DCAF1: variants seen among roughly 807,000 people sequenced by gnomAD.
The protein encoded by DCAF1 is DDB1- and CUL4-associated factor 1.
DCAF1 carries 15 observed loss-of-function variants against 128.0 expected under a neutral mutation model. That is an observed-to-expected ratio of 0.12 (90% confidence interval 0.08 to 0.18). The LOEUF is 0.18. Among genes scored for constraint, DCAF1 ranks in the 10% least tolerant of loss-of-function variants. The pLI is 1.00. For missense variants in DCAF1, 988 were observed against 1,649.5 expected (o/e 0.60, Z 6.95); for synonymous variants, 610 against 603.0 (o/e 1.01, Z -0.17).
chr3:51,461,147 T>C (rs1353078390), intron 6 of DCAF1, among the ~76,000 whole-genome samples: 2 of 151,684 alleles, frequency 1.3e-5, no homozygotes, highest in Non-Finnish European at 2.9e-5. Context: ...GGAGAAAATT[T>C]TTGCAACCTA....
At chr3:51,401,886 T>C (rs72945711) in intron 24 of DCAF1, among the ~76,000 whole-genome samples, 3,049 of 152,284 alleles carry the variant, frequency 0.02, 103 homozygotes, top group African/African-American at 0.069. Flanking sequence ...CCTACTCCAC[T>C]GAATCACCTC....
chr3:51,412,620 G>A (rs2107168142), intron 22 of DCAF1, 140 bp from the exon 23 acceptor site: 1 of 1,402,862 alleles, frequency 7.1e-7, no homozygotes, highest in Non-Finnish European at 9.5e-7. Context: ...AGCTGACTAT[G>A]AAAATGTTAT....
chr3:51,431,024 G>A (rs1553635435), intron 10 of DCAF1, among the ~76,000 whole-genome samples: 2 of 152,014 alleles, frequency 1.3e-5, no homozygotes, highest in East Asian at 1.9e-4. Flanking sequence ...TACAAAACAC[G>A]CAAAAATTAG....
downstream of DCAF1, chr3:51,397,413 A>G (rs1477268039): frequency 6.0e-6 from 1 of 167,078 alleles, no homozygotes; most frequent in African/African-American, 2.4e-5. Flanking sequence ...CACTGTCACA[A>G]TCCCTTTCAG....
intron 10 of DCAF1, among the ~76,000 whole-genome samples, 169 bp from the exon 11 acceptor site, chr3:51,430,381 C>T (rs555478621): frequency 3.3e-5 from 5 of 152,232 alleles, no homozygotes; most frequent in South Asian, 2.1e-4. Flanking sequence ...TTTTAGAACA[C>T]GATCCATTCC....
chr3:51,487,592 C>A (rs1276260693), intron 2 of DCAF1, among the ~76,000 whole-genome samples: 2 of 152,040 alleles, frequency 1.3e-5, no homozygotes, highest in South Asian at 2.1e-4. Context: ...TTTACATGAC[C>A]TTGACAATCT....
intron 2 of DCAF1, among the ~76,000 whole-genome samples, chr3:51,492,818 C>T (rs1553658804): frequency 6.6e-6 from 1 of 151,504 alleles, no homozygotes; most frequent in East Asian, 2.0e-4. Flanking sequence ...CATGGTGAAA[C>T]CCCATCTCTA....
intron 23 of DCAF1, among the ~76,000 whole-genome samples, chr3:51,404,625 T>C (rs2089978254): frequency 6.6e-6 from 1 of 152,236 alleles, no homozygotes; most frequent in Non-Finnish European, 1.5e-5. Flanking sequence ...AACTGTGTAA[T>C]TCAGTAATTT....
chr3:51,403,566 T>C (rs1553625699), intron 23 of DCAF1, among the ~76,000 whole-genome samples, 171 bp from the exon 24 acceptor site: 1 of 152,154 alleles, frequency 6.6e-6, no homozygotes, highest in African/African-American at 2.4e-5. Context: ...ATGGCTGAGA[T>C]AGGCACACAT....
In DCAF1 at chr3:51,439,160, A is replaced by C. The variant is rs535216017; in HGVS notation, c.1128+1810T>G. On this transcript the variant is annotated intron_variant, in intron 9 of 24. Transcript: ENST00000684031. ...CCTGTTTTGTTTTTTTCAGAGACAG[A>C]GTCTCACCCTGTCGCTCAGGCTCAC... 3.9e-5 allele frequency among the ~76,000 whole-genome samples: 6 copies of C among 151,960 alleles called. No individual in the cohort carries two copies. The East Asian group carries it at 9.7e-4, about 25-fold the overall frequency.
At chr3:51,429,220 G>T in intron 12 of DCAF1, 41 bp downstream of exon 12, 1 of 726,896 alleles carries the variant, frequency 1.4e-6, no homozygotes, top group East Asian at 2.6e-5. Flanking sequence ...GCTACAGAGA[G>T]GGCTAACAGA....
At chr3:51,441,930 C>G (rs782200098) in intron 7 of DCAF1, 33 bp from the exon 8 acceptor site, 2 of 1,549,796 alleles carry the variant, frequency 1.3e-6, no homozygotes, top group South Asian at 1.2e-5. Context: ...AAAGGGGGTG[C>G]CTCTTTATTA....
At position 51,402,566 on chromosome 3, in the gene DCAF1, A is replaced by ATTTTTTTTTT. The variant is rs540396047; in HGVS notation, c.4465+567_4465+576dup. On this transcript the variant is annotated intron_variant, in intron 24 of 24. Coordinates refer to ENST00000684031, the MANE Select transcript of DCAF1 (RefSeq NM_001387579.1). ...ACAAAGGCCATATACCCTACAAAGC[A>ATTTTTTTTTT]TTTTTTTTTTTTTTTTTTTTTTTTT... Among the ~76,000 whole-genome samples, 34 of 84,980 alleles carry ATTTTTTTTTT rather than the reference A, an allele frequency of 4.0e-4. 4 individuals carry two copies. The highest frequency in any genetic ancestry group is 5.6e-4 in the Admixed American group (3 of 5,312). The allele number at this position is 84,980 out of a possible 152,430, so 55.8% of individuals were successfully genotyped here.
chr3:51,482,382 C>G (rs1401659568), intron 3 of DCAF1, among the ~76,000 whole-genome samples: 1 of 150,766 alleles, frequency 6.6e-6, no homozygotes, highest in Non-Finnish European at 1.5e-5. Flanking sequence ...GAGATCAAGG[C>G]TGCAGTGAGC....
intron 3 of DCAF1, 68 bp from the exon 4 acceptor site, chr3:51,471,073 C>T (rs1704680570): frequency 2.1e-6 from 2 of 957,726 alleles, no homozygotes; most frequent in Non-Finnish European, 3.2e-6. Context: ...CTACAACAGT[C>T]AATTCAACGG....
In DCAF1 at chr3:51,420,567, G is replaced by A. The variant is rs1553632194; in HGVS notation, c.2403C>T (p.Asp801=). The change falls in exon 15 of 25, where the codon GAC becomes GAT. Residue 801 remains aspartate, a synonymous_variant. Transcript: ENST00000684031. This position sits in a 1 kb window ranked among gnomAD's most constrained non-coding sequence, Gnocchi z 6.5. The stretch of plus-strand genomic sequence containing the variant: ...CAGCATACTTGCAGAACTTGACATG[G>A]TCACTGCGCTTGTCCTGCAGCACAG... ...KEPVLQDKRS[D]HVKFCKYAAE... is the part of the protein sequence containing the mutation. 1.2e-6 allele frequency: 2 copies of A among 1,613,916 alleles called. No homozygotes were observed. Among genetic ancestry groups the A allele is most frequent in the South Asian group, 2.2e-5 (2 of 91,084 alleles).
At chr3:51,432,477 T>A (rs1700478893) in intron 10 of DCAF1, among the ~76,000 whole-genome samples, 1 of 150,884 alleles carries the variant, frequency 6.6e-6, no homozygotes, top group South Asian at 2.1e-4. Flanking sequence ...TTTTTTTTTT[T>A]AAACGGAGTC....
chr3:51,446,220 C>T (rs1701838424), intron 6 of DCAF1, among the ~76,000 whole-genome samples: 1 of 151,982 alleles, frequency 6.6e-6, no homozygotes, highest in African/African-American at 2.4e-5. Context: ...ATCTTGAACT[C>T]CTGACCTCAG....
intron 4 of DCAF1, among the ~76,000 whole-genome samples, chr3:51,470,082 T>G (rs566956087): frequency 6.6e-6 from 1 of 152,252 alleles, no homozygotes; most frequent in African/African-American, 2.4e-5. Context: ...GAAGGCATAC[T>G]TTAGTTCTCA....
Sources: gnomAD v4.1 joint callset for allele counts (sites outside exome capture counted in the v4.1 genomes callset) on GRCh38, gnomAD v4.1.1 for gene constraint, Gnocchi (gnomAD v3.1) non-coding constraint, MANE v1.5 for transcripts, NCBI Gene and HGNC (gene_info 2026-07-23, HGNC 2026-07-21) for gene names.